ERBB4: variants seen among roughly 807,000 people sequenced by gnomAD.
The protein encoded by ERBB4 is receptor tyrosine-protein kinase erbB-4.
In ERBB4, 42 loss-of-function variants were observed where a neutral mutation model predicts 158.0. The ratio of observed to expected loss-of-function variants is 0.27; its 90% CI spans 0.21 to 0.34. ERBB4 has a LOEUF of 0.34. Among genes scored for constraint, ERBB4 ranks in the 10% least tolerant of loss-of-function variants. The pLI, the probability that ERBB4 is intolerant of heterozygous loss-of-function variation, is 1.00. For synonymous variants in ERBB4, 583 were observed against 558.7 expected, an observed-to-expected ratio of 1.04 and a Z score of -0.61; for missense variants, 1,333 against 1,624.1, an observed-to-expected ratio of 0.82 and a Z score of 3.08.
chr2:212,520,948 T>C (rs184184727), intron 1 of ERBB4, among the ~76,000 whole-genome samples: 1 of 152,064 alleles, frequency 6.6e-6, no homozygotes, highest in East Asian at 1.9e-4. Context: ...TGTGAAAAAC[T>C]GTAATATAGG....
intron 3 of ERBB4, among the ~76,000 whole-genome samples, chr2:211,923,178 A>T (rs2079917822): frequency 6.6e-6 from 1 of 152,162 alleles, no homozygotes; most frequent in South Asian, 2.1e-4. Context: ...AGAGGAAGAC[A>T]AGACGGCAAA....
chr2:212,363,366 G>A (rs758526831), intron 1 of ERBB4, among the ~76,000 whole-genome samples: 2 of 151,116 alleles, frequency 1.3e-5, no homozygotes, highest in Admixed American at 6.6e-5. Flanking sequence ...ATTTTACCTC[G>A]TTATCACTGA....
intron 4 of ERBB4, among the ~76,000 whole-genome samples, chr2:211,762,874 C>CA (rs1273718084): frequency 6.6e-6 from 1 of 152,220 alleles, no homozygotes; most frequent in Non-Finnish European, 1.5e-5. Flanking sequence ...TCCGTCATCA[C>CA]AAACCTTTTG....
intron 20 of ERBB4, among the ~76,000 whole-genome samples, chr2:211,477,309 C>T (rs775395598): frequency 6.9e-6 from 1 of 144,942 alleles, no homozygotes; most frequent in Non-Finnish European, 1.5e-5. Context: ...CTCTCTCTCT[C>T]TCTTTCTCTC....
chr2:212,275,179 GTATTTGGATTGGTTCCAAGTCTTTGC>G (rs2085483545), intron 1 of ERBB4, among the ~76,000 whole-genome samples: 1 of 151,856 alleles, frequency 6.6e-6, no homozygotes, highest in Admixed American at 6.6e-5. Flanking sequence ...TCATTGATGG[GTATTTGGATTGGTTCCAAGTCTTTGC>G]TATTGTGAAC....
intron 12 of ERBB4, among the ~76,000 whole-genome samples, chr2:211,701,589 T>C (rs1275452138): frequency 6.6e-6 from 1 of 151,550 alleles, no homozygotes; most frequent in African/African-American, 2.4e-5. Context: ...ACCCCATCTC[T>C]ACTAAAAATA....
chr2:212,199,444 A>G (rs957832429), intron 1 of ERBB4, among the ~76,000 whole-genome samples: 1 of 152,210 alleles, frequency 6.6e-6, no homozygotes, highest in African/African-American at 2.4e-5. Flanking sequence ...TAACTATTAC[A>G]TCATAAATTA....
rs55671017 is a variant in ERBB4 at position 211,705,339 on chromosome 2, G to T, written c.1177C>A (p.Arg393=). Residue 393 remains arginine (R), a synonymous_variant, in exon 10 of 28, where the codon CGG becomes AGG. Coordinates refer to ENST00000342788, the MANE Select transcript of ERBB4 (RefSeq NM_005235.3). ...TTACCTGTTATCTCTCTGACTGTCC[G>T]AAAGACGTTCAGTTTCTCTGGGTCT... ...AIDPEKLNVF[R]TVREITGFLN... 2.2e-4 allele frequency: 352 copies of T among 1,612,040 alleles called. 2 individuals carry two copies. The East Asian group carries it at 6.7e-3, about 31-fold the overall frequency.
At chr2:211,436,928 G>C (rs779011478) in intron 20 of ERBB4, among the ~76,000 whole-genome samples, 4 of 152,140 alleles carry the variant, frequency 2.6e-5, no homozygotes, top group Non-Finnish European at 5.9e-5. Flanking sequence ...TAAAGGTCAC[G>C]AATAAAATAG....
intron 23 of ERBB4, among the ~76,000 whole-genome samples, chr2:211,422,708 T>C (rs571017074): frequency 2.6e-5 from 4 of 152,012 alleles, no homozygotes; most frequent in African/African-American, 4.8e-5. Flanking sequence ...CAAGCTTTCC[T>C]TGATTTTCTT....
intron 3 of ERBB4, among the ~76,000 whole-genome samples, chr2:211,852,137 A>G (rs2077735193): frequency 6.6e-6 from 1 of 151,870 alleles, no homozygotes; most frequent in Non-Finnish European, 1.5e-5. Flanking sequence ...GAATGCTTCC[A>G]ATATCTTCAA....
At chr2:212,222,229 G>A (rs1263981354) in intron 1 of ERBB4, among the ~76,000 whole-genome samples, 1 of 151,358 alleles carries the variant, frequency 6.6e-6, no homozygotes, top group Admixed American at 6.6e-5. Context: ...TTTATTATCA[G>A]GAAATTCACA....
At chr2:212,204,366 A>G (rs2105909864) in intron 1 of ERBB4, among the ~76,000 whole-genome samples, 1 of 152,212 alleles carries the variant, frequency 6.6e-6, no homozygotes, top group East Asian at 1.9e-4. Context: ...CTGTTTGCAC[A>G]TGGATAAAGA....
At chr2:211,711,941 A>T in intron 9 of ERBB4, 109 bp downstream of exon 9, 1 of 914,026 alleles carries the variant, frequency 1.1e-6, no homozygotes, top group Non-Finnish European at 1.7e-6. Flanking sequence ...AGCATTAATG[A>T]AAGGTGAAAC....
chr2:211,486,635 G>T (rs2065210332), intron 20 of ERBB4, among the ~76,000 whole-genome samples: 1 of 151,994 alleles, frequency 6.6e-6, no homozygotes, highest in African/African-American at 2.4e-5. Context: ...CAGATTTTGG[G>T]TCAAATCTCA....
At chr2:212,170,901 A>G (rs911368156) in intron 1 of ERBB4, among the ~76,000 whole-genome samples, 1 of 152,108 alleles carries the variant, frequency 6.6e-6, no homozygotes, top group African/African-American at 2.4e-5. Context: ...GGGAAATGTG[A>G]AATTGGACCC....
chr2:211,422,120 G>GTGAAAATGTCACTATATTCGTAACTAGA lies in ERBB4; in HGVS notation c.2867-44_2867-17dup, dbSNP rs761373959. Reference sequence around the variant, plus strand: ...ATCATCCAACCTGGAAATTTACACAGTGAAAATGTCACTATATTCGTAACT... The same window carrying GTGAAAATGTCACTATATTCGTAACTAGA: ...ATCATCCAACCTGGAAATTTACACAGTGAAAATGTCACTATATTCGTAACTAGATGAAAATGTCACTATATTCGTAACT... On this transcript the variant is annotated splice_polypyrimidine_tract_variant and intron_variant, in intron 23 of 27. Coordinates refer to ENST00000342788, the MANE Select transcript of ERBB4 (RefSeq NM_005235.3). 6.7e-7 allele frequency: 1 copy of GTGAAAATGTCACTATATTCGTAACTAGA among 1,495,540 alleles called. No homozygotes were observed. The allele number at this position is 1,495,540 out of a possible 1,614,324, so 92.6% of individuals were successfully genotyped here. A position where few individuals can be genotyped will look rare whatever the true frequency, so the allele number is the denominator to read the frequency against.
At chr2:212,127,485 G>A (rs2079973726) in intron 1 of ERBB4, among the ~76,000 whole-genome samples, 1 of 152,056 alleles carries the variant, frequency 6.6e-6, no homozygotes, top group African/African-American at 2.4e-5. Flanking sequence ...CCAGCTACTC[G>A]GGAGGCTGAG....
intron 3 of ERBB4, among the ~76,000 whole-genome samples, chr2:211,875,096 G>GTTT (rs71054147): frequency 7.7e-6 from 1 of 129,404 alleles, no homozygotes; most frequent in African/African-American, 2.9e-5. Context: ...TGCAGATAAC[G>GTTT]TTTTTTTTTT....
Sources: gnomAD v4.1 joint callset for allele counts (sites outside exome capture counted in the v4.1 genomes callset) on GRCh38, gnomAD v4.1.1 for gene constraint, MANE v1.5 for transcripts, NCBI Gene and HGNC (gene_info 2026-07-23, HGNC 2026-07-21) for gene names.